The following WDFY3 variants were observed in gnomAD, a reference collection of about 807,000 sequenced individuals.
The protein encoded by WDFY3 is WD repeat and FYVE domain containing 3.
WDFY3 carries 66 observed loss-of-function variants against 409.6 expected under a neutral mutation model. The ratio of observed to expected loss-of-function variants is 0.16; its 90% CI spans 0.13 to 0.20. The LOEUF is 0.20. Among genes scored for constraint, WDFY3 ranks in the 10% least tolerant of loss-of-function variants. The pLI is 1.00. For missense variants in WDFY3, 3,031 were observed against 4,298.1 expected (o/e 0.71, Z 8.24); for synonymous variants, 1,521 against 1,537.1 (o/e 0.99, Z 0.25).
intron 64 of WDFY3, among the ~76,000 whole-genome samples, chr4:84,681,768 C>T (rs1276777206): frequency 6.6e-6 from 1 of 152,184 alleles, no homozygotes; most frequent in Non-Finnish European, 1.5e-5. Flanking sequence ...CAATGCAAAG[C>T]AGATCTCACC....
At chr4:84,741,685 T>C in intron 38 of WDFY3, 76 bp downstream of exon 38, 2 of 1,407,598 alleles carry the variant, frequency 1.4e-6, no homozygotes, top group Non-Finnish European at 1.9e-6. Flanking sequence ...TTAGTTATAT[T>C]TAATTTCAAC....
intron 63 of WDFY3, chr4:84,682,964 A>G (rs1727643491): frequency 6.5e-6 from 1 of 154,668 alleles, no homozygotes; most frequent in Non-Finnish European, 1.4e-5. Flanking sequence ...CCTGGGCGAC[A>G]GAGCAACTCA....
At chr4:84,717,917 G>A (rs933733938) in intron 48 of WDFY3, among the ~76,000 whole-genome samples, 3 of 151,574 alleles carry the variant, frequency 2.0e-5, no homozygotes, top group African/African-American at 4.8e-5. Flanking sequence ...GCGTGGTGGC[G>A]GGCGCCTGTA....
intron 46 of WDFY3, 81 bp downstream of exon 46, chr4:84,724,345 A>G (rs1175223648): frequency 6.7e-7 from 1 of 1,497,532 alleles, no homozygotes; most frequent in East Asian, 2.3e-5. Context: ...TACTATTTAT[A>G]GTTGCTCAAA....
rs1407158488 is a variant in WDFY3 at position 84,794,574 on chromosome 4, T to C, written c.3432A>G (p.Ser1144=). 1.9e-6 allele frequency: 3 copies of C among 1,614,002 alleles called. No individual in the cohort carries two copies. Among genetic ancestry groups the C allele is most frequent in the Non-Finnish European group, 1.7e-6 (2 of 1,180,028 alleles). Residue 1144 remains serine (S), a synonymous_variant, in exon 21 of 68, where the codon TCA becomes TCG. Coordinates refer to ENST00000295888, the MANE Select transcript of WDFY3 (RefSeq NM_014991.6). The part of the protein sequence containing the change: ...QHYVCLAIVL[S]AKDRSLIVST... ...AAACAATCAGAGATCGGTCTTTTGCTGATAGAACTATTGCAAGGCACACGT... is the reference window on the plus strand; with the variant it reads ...AAACAATCAGAGATCGGTCTTTTGCCGATAGAACTATTGCAAGGCACACGT...
At chr4:84,710,804 G>A (rs1732755019) in intron 51 of WDFY3, among the ~76,000 whole-genome samples, 1 of 152,166 alleles carries the variant, frequency 6.6e-6, no homozygotes, top group Admixed American at 6.5e-5. Flanking sequence ...CTAGGAAGCA[G>A]TAGCAATTCG....
At chr4:84,736,411 T>C in intron 41 of WDFY3, 84 bp from the exon 42 acceptor site, 1 of 1,322,438 alleles carries the variant, frequency 7.6e-7, no homozygotes, top group Non-Finnish European at 1.0e-6. Flanking sequence ...GGTTATAAAC[T>C]ACAACCCTGT....
intron 2 of WDFY3, among the ~76,000 whole-genome samples, chr4:84,931,275 A>G (rs1044711263): frequency 1.3e-5 from 2 of 152,212 alleles, no homozygotes; most frequent in African/African-American, 4.8e-5. Flanking sequence ...TCTTTAAAAC[A>G]AAGAAAGCCA....
chr4:84,892,023 ATTTT>A (rs200646761), intron 3 of WDFY3, among the ~76,000 whole-genome samples: 3 of 135,846 alleles, frequency 2.2e-5, no homozygotes, highest in African/African-American at 2.7e-5. Flanking sequence ...ATGGCCTTCA[ATTTT>A]TTTTTTTTTT....
At chr4:84,780,338 C>A in intron 25 of WDFY3, 40 bp from the exon 26 acceptor site, 1 of 1,564,956 alleles carries the variant, frequency 6.4e-7, no homozygotes, top group Non-Finnish European at 8.7e-7. Context: ...GATAAATTCC[C>A]CATGTGAACA....
At chr4:84,673,062 T>C in intron 67 of WDFY3, 71 bp from the exon 68 acceptor site, 1 of 1,594,624 alleles carries the variant, frequency 6.3e-7, no homozygotes. Context: ...GAAACATTAA[T>C]AATCGAATGG....
In WDFY3 at chr4:84,704,415, G is replaced by A; in HGVS notation, c.8365C>T (p.His2789Tyr). ...GETPAYHYGT[H>Y]YSSAMIVASY... ...GCCACAATCATTGCAGATGAATAGT[G>A]GGTCCCATAGTGGTATGCAGGAGTT... Residue 2789 changes from histidine (H) to tyrosine (Y), a missense_variant, in exon 55 of 68, where the codon CAC becomes TAC. Physicochemically the swap from His to Tyr is moderately conservative, Grantham distance 83. Around this residue, in one of 16 missense-constraint regions of WDFY3, gnomAD observed 129 missense variants for 305.3 expected, o/e 0.42. Coordinates refer to ENST00000295888, the MANE Select transcript of WDFY3 (RefSeq NM_014991.6). 1 of 1,612,364 alleles carries A rather than the reference G, an allele frequency of 6.2e-7. No homozygotes were observed.
At chr4:84,697,990 T>C (rs922592625) in intron 56 of WDFY3, among the ~76,000 whole-genome samples, 1 of 152,170 alleles carries the variant, frequency 6.6e-6, no homozygotes, top group African/African-American at 2.4e-5. Flanking sequence ...AAGGTTACCA[T>C]ATGATTTACA....
At chr4:84,916,933 A>C (rs1369806201) in intron 2 of WDFY3, among the ~76,000 whole-genome samples, 1 of 152,158 alleles carries the variant, frequency 6.6e-6, no homozygotes, top group African/African-American at 2.4e-5. Context: ...CTCTCCTCTA[A>C]TAACATTAAA....
Position 84,765,791 on chromosome 4 carries a change from G to T in WDFY3, c.5188+19C>A, listed in dbSNP as rs1443754341. On this transcript the variant is annotated intron_variant, in intron 32 of 67. Transcript: ENST00000295888. ...CACACCAGCTCATTTTCAAGCAGCT[G>T]ACTAGAAAAGTCCCATACCTAATAC... 2.5e-6 allele frequency: 4 copies of T among 1,605,386 alleles called. No individual in the cohort carries two copies. In the South Asian group the frequency reaches 4.4e-5, roughly 18 times the overall value.
chr4:84,824,146 C>A (rs1174674707), intron 10 of WDFY3, among the ~76,000 whole-genome samples: 1 of 152,232 alleles, frequency 6.6e-6, no homozygotes, highest in East Asian at 1.9e-4. Context: ...ACAATATTCT[C>A]CCCATTTTCA....
intron 24 of WDFY3, among the ~76,000 whole-genome samples, chr4:84,783,721 T>C (rs1168180879): frequency 6.6e-6 from 1 of 152,198 alleles, no homozygotes; most frequent in East Asian, 1.9e-4. Context: ...AGATAAAACA[T>C]GCCTACATAA....
intron 3 of WDFY3, among the ~76,000 whole-genome samples, chr4:84,862,574 G>A (rs1760790243): frequency 6.6e-6 from 1 of 152,140 alleles, no homozygotes; most frequent in South Asian, 2.1e-4. Flanking sequence ...TTATAAATTA[G>A]CTAACATTTT....
intron 42 of WDFY3, among the ~76,000 whole-genome samples, chr4:84,735,582 A>G (rs1320082894): frequency 6.6e-6 from 1 of 152,154 alleles, no homozygotes; most frequent in Non-Finnish European, 1.5e-5. Flanking sequence ...TCTCCCTTCC[A>G]CAGGTATTGA....
Sources: gnomAD v4.1 joint callset for allele counts (sites outside exome capture counted in the v4.1 genomes callset) on GRCh38, gnomAD v4.1.1 for gene constraint, gnomAD v4.1.1 regional missense constraint, MANE v1.5 for transcripts, NCBI Gene and HGNC (gene_info 2026-07-23, HGNC 2026-07-21) for gene names.